TENM3: variants seen among roughly 807,000 people sequenced by gnomAD.
TENM3 encodes the protein teneurin-3.
TENM3 carries 63 observed loss-of-function variants against 255.1 expected under a neutral mutation model. The observed-to-expected ratio is 0.25, with a 90% CI of 0.20 to 0.30. The LOEUF is 0.30. Ranked by LOEUF, TENM3 falls within the 10% of genes least tolerant of loss-of-function variation. The pLI, the probability that TENM3 is intolerant of heterozygous loss-of-function variation, is 1.00. For missense variants in TENM3, 2,929 were observed against 3,461.1 expected, an observed-to-expected ratio of 0.85 and a Z score of 3.86; for synonymous variants, 1,306 against 1,322.3, an observed-to-expected ratio of 0.99 and a Z score of 0.27.
At chr4:181,719,644 T>A in the TENM3 span, among the ~76,000 whole-genome samples, 1 of 152,194 alleles carries the variant, frequency 6.6e-6, no homozygotes, top group South Asian at 2.1e-4. Flanking sequence ...CCCCACATCC[T>A]AATCCCATCA....
At chr4:182,670,671 A>G (rs918272428) in intron 6 of TENM3, among the ~76,000 whole-genome samples, 14 of 152,144 alleles carry the variant, frequency 9.2e-5, no homozygotes, top group African/African-American at 3.4e-4. Context: ...TTTGCTAGTG[A>G]TGTACTCTCC....
the TENM3 span, among the ~76,000 whole-genome samples, chr4:182,012,013 G>A: frequency 6.6e-6 from 1 of 152,112 alleles, no homozygotes; most frequent in African/African-American, 2.4e-5. Flanking sequence ...GCCCCCAACC[G>A]ACAGCCGGCA....
chr4:181,682,833 A>G, the TENM3 span, among the ~76,000 whole-genome samples: 1 of 152,062 alleles, frequency 6.6e-6, no homozygotes. Context: ...GCTTCACTGG[A>G]ATTCATGTTA....
the TENM3 span, among the ~76,000 whole-genome samples, chr4:182,074,536 T>C: frequency 6.6e-6 from 1 of 152,208 alleles, no homozygotes; most frequent in Non-Finnish European, 1.5e-5. Context: ...AAAGAGTTTT[T>C]GTTTGAAGGA....
intron 1 of TENM3, among the ~76,000 whole-genome samples, chr4:182,185,788 G>C (rs1711841722): frequency 6.6e-6 from 1 of 152,168 alleles, no homozygotes; most frequent in African/African-American, 2.4e-5. Flanking sequence ...GATTCACTGA[G>C]TAAAACTTGA....
the TENM3 span, among the ~76,000 whole-genome samples, chr4:181,717,929 G>A: frequency 1.3e-5 from 2 of 152,194 alleles, no homozygotes; most frequent in African/African-American, 2.4e-5. Flanking sequence ...AAGATTGTAT[G>A]TTTAAAAATC....
chr4:181,804,336 T>C, the TENM3 span, among the ~76,000 whole-genome samples: 53 of 152,338 alleles, frequency 3.5e-4, no homozygotes, highest in South Asian at 0.01. Flanking sequence ...CAAACTTTGG[T>C]AGATTTTTGC....
the TENM3 span, among the ~76,000 whole-genome samples, chr4:181,937,244 G>A: frequency 2.0e-5 from 3 of 152,244 alleles, no homozygotes; most frequent in African/African-American, 4.8e-5. Context: ...CCTGAGATGG[G>A]ATTAGCAAGG....
the TENM3 span, among the ~76,000 whole-genome samples, chr4:181,773,726 C>G: frequency 6.6e-6 from 1 of 152,136 alleles, no homozygotes; most frequent in Non-Finnish European, 1.5e-5. Context: ...TGTTTTCTAG[C>G]AGATTTTATT....
At chr4:182,478,245 C>G (rs1733864934) in intron 3 of TENM3, among the ~76,000 whole-genome samples, 1 of 151,886 alleles carries the variant, frequency 6.6e-6, no homozygotes, top group African/African-American at 2.4e-5. Flanking sequence ...TAAAAATAAC[C>G]AGTCCAGTAA....
intron 1 of TENM3, among the ~76,000 whole-genome samples, chr4:182,315,408 T>G (rs1331849658): frequency 1.0e-5 from 1 of 99,536 alleles, no homozygotes; most frequent in East Asian, 2.0e-4. Flanking sequence ...AATTCTAGGG[T>G]TTTTTTTTTC....
chr4:182,202,425 C>T (rs755040378), intron 1 of TENM3, among the ~76,000 whole-genome samples: 1 of 151,534 alleles, frequency 6.6e-6, no homozygotes, highest in Non-Finnish European at 1.5e-5. Context: ...TCTGCCTCAG[C>T]CTCCCAAGCA....
intron 1 of TENM3, among the ~76,000 whole-genome samples, chr4:182,228,875 A>G (rs1442695279): frequency 6.6e-6 from 1 of 152,088 alleles, no homozygotes; most frequent in Non-Finnish European, 1.5e-5. Context: ...GCCATTGTAG[A>G]CTTCAGCACA....
chr4:182,787,775 C>T, intron 24 of TENM3, among the ~76,000 whole-genome samples: 1 of 144,516 alleles, frequency 6.9e-6, no homozygotes, highest in Non-Finnish European at 1.5e-5. Context: ...TGTGATTTCT[C>T]TCCAGGGCTC....
chr4:182,402,317 A>G (rs1448923330), intron 3 of TENM3, among the ~76,000 whole-genome samples: 1 of 152,204 alleles, frequency 6.6e-6, no homozygotes, highest in Non-Finnish European at 1.5e-5. Flanking sequence ...GCAAAATATT[A>G]TGTTTGGGAA....
At chr4:182,213,014 T>TTTAA (rs1373949646) in intron 1 of TENM3, among the ~76,000 whole-genome samples, 2 of 152,202 alleles carry the variant, frequency 1.3e-5, no homozygotes, top group African/African-American at 4.8e-5. Context: ...TGTTCCAGAT[T>TTTAA]TTAAGCACTC....
intron 1 of TENM3, among the ~76,000 whole-genome samples, chr4:182,275,306 C>T (rs757257333): frequency 3.3e-5 from 5 of 152,114 alleles, no homozygotes; most frequent in South Asian, 2.1e-4. Flanking sequence ...CCCCTGGGCA[C>T]GTATGAGACA....
intron 3 of TENM3, 69 bp downstream of exon 3, chr4:182,346,998 G>GGT (rs1554053262): frequency 4.4e-6 from 5 of 1,147,776 alleles, no homozygotes; most frequent in East Asian, 2.8e-5. Context: ...GACTCCGCGG[G>GGT]GGGGGATGTT....
At position 182,787,735 on chromosome 4, in the gene TENM3, CAAAAAA is replaced by C. The variant is rs33998093; in HGVS notation, c.5305-1336_5305-1331del. Among the ~76,000 whole-genome samples, 279 of 41,568 alleles carry C rather than the reference CAAAAAA, an allele frequency of 6.7e-3. 1 individual carries two copies. Among genetic ancestry groups the C allele is most frequent in the African/African-American group, 0.015 (250 of 16,734 alleles). The allele number at this position is 41,568 out of a possible 152,430, so 27.3% of individuals were successfully genotyped here. ...GGGCGACAAGGGCAAAACTCCACCT[CAAAAAA>C]AAAAAAAAAAAAAAAAAAAAAGATG... On this transcript the variant is annotated intron_variant, in intron 24 of 27. Transcript: ENST00000511685.
Sources: allele counts gnomAD v4.1 joint callset (sites outside exome capture counted in the v4.1 genomes callset), GRCh38; gene constraint gnomAD v4.1.1; transcripts MANE v1.5; gene names NCBI Gene and HGNC (gene_info 2026-07-23, HGNC 2026-07-21).